Variants in PLCB1 observed in about 807,000 individuals in gnomAD.
The protein encoded by PLCB1 is phospholipase C beta 1.
PLCB1 carries 46 observed loss-of-function variants against 161.8 expected under a neutral mutation model. The observed-to-expected ratio is 0.28, with a 90% CI of 0.22 to 0.36. PLCB1 has a LOEUF of 0.36. PLCB1 is among the 10% of genes least tolerant of loss of function. The pLI is 1.00. For missense variants in PLCB1, 1,016 were observed against 1,472.5 expected, an observed-to-expected ratio of 0.69 and a Z score of 5.07; for synonymous variants, 517 against 503.7, an observed-to-expected ratio of 1.03 and a Z score of -0.35.
At chr20:8,802,964 A>C (rs1600340362) in intron 31 of PLCB1, among the ~76,000 whole-genome samples, 1 of 152,234 alleles carries the variant, frequency 6.6e-6, no homozygotes, top group African/African-American at 2.4e-5. Flanking sequence ...AAATAAAGCA[A>C]ACTTTATTCT....
At chr20:8,356,975 C>T (rs1046283538) in intron 2 of PLCB1, among the ~76,000 whole-genome samples, 1 of 152,100 alleles carries the variant, frequency 6.6e-6, no homozygotes, top group African/African-American at 2.4e-5. Context: ...TTTCTTAATA[C>T]AGAGGAAGTA....
intron 3 of PLCB1, among the ~76,000 whole-genome samples, chr20:8,467,936 A>G (rs1981888051): frequency 6.6e-6 from 1 of 152,158 alleles, no homozygotes; most frequent in African/African-American, 2.4e-5. Flanking sequence ...GCATTTTCCT[A>G]TTTATCTTTC....
chr20:8,696,152 C>T (rs1414605280), intron 10 of PLCB1, among the ~76,000 whole-genome samples: 1 of 152,222 alleles, frequency 6.6e-6, no homozygotes, highest in African/African-American at 2.4e-5. Flanking sequence ...TATTTGTACA[C>T]TTGATCCAAT....
chr20:8,526,020 G>A (rs1367216812), intron 3 of PLCB1, among the ~76,000 whole-genome samples: 1 of 151,998 alleles, frequency 6.6e-6, no homozygotes, highest in Non-Finnish European at 1.5e-5. Flanking sequence ...TTTGGAGCGG[G>A]ATAGTAACCA....
At chr20:8,662,267 GTATT>G (rs1459538753) in intron 9 of PLCB1, among the ~76,000 whole-genome samples, 1 of 76,048 alleles carries the variant, frequency 1.3e-5, no homozygotes, top group Non-Finnish European at 2.3e-5. Context: ...CTATACATAA[GTATT>G]TATTATATAA....
At chr20:8,515,173 AG>A (rs1472434197) in intron 3 of PLCB1, among the ~76,000 whole-genome samples, 1 of 152,212 alleles carries the variant, frequency 6.6e-6, no homozygotes, top group Non-Finnish European at 1.5e-5. Flanking sequence ...TCAGCCCTGG[AG>A]GAAGAGCTTC....
chr20:8,490,165 C>T (rs1218707156), intron 3 of PLCB1, among the ~76,000 whole-genome samples: 1 of 152,192 alleles, frequency 6.6e-6, no homozygotes, highest in East Asian at 1.9e-4. Context: ...CATATCCCAA[C>T]ACTGTGAGGC....
Position 8,559,332 on chromosome 20 carries a change from T to C in PLCB1, c.247-68962T>C, listed in dbSNP as rs140171847. 4.5e-3 allele frequency among the ~76,000 whole-genome samples: 680 copies of C among 151,914 alleles called. 8 individuals carry two copies. Among genetic ancestry groups the C allele is most frequent in the African/African-American group, 0.016 (656 of 41,486 alleles). ...CTACTAAAATATTAACTATAAAATA[T>C]ACAGAAAAAGAAATGAAAAGTATAC... On this transcript the variant is annotated intron_variant, in intron 3 of 31. Transcript: ENST00000338037.
chr20:8,359,264 T>C (rs1015897629), intron 2 of PLCB1, among the ~76,000 whole-genome samples: 1 of 152,224 alleles, frequency 6.6e-6, no homozygotes, highest in African/African-American at 2.4e-5. Flanking sequence ...ATTATCCTTA[T>C]TCATTTTTAA....
intron 3 of PLCB1, among the ~76,000 whole-genome samples, chr20:8,496,807 T>C (rs192101516): frequency 1.3e-5 from 2 of 152,054 alleles, no homozygotes; most frequent in Non-Finnish European, 2.9e-5. Context: ...TTTTGTTTAG[T>C]GGTGTATCTA....
At chr20:8,399,617 A>T (rs1256765450) in intron 3 of PLCB1, among the ~76,000 whole-genome samples, 1 of 152,146 alleles carries the variant, frequency 6.6e-6, no homozygotes, top group Non-Finnish European at 1.5e-5. Flanking sequence ...ATTACTCTCA[A>T]TACTATTCTC....
At chr20:8,623,763 C>T (rs1157145929) in intron 3 of PLCB1, 1 of 152,186 alleles carries the variant, frequency 6.6e-6, no homozygotes, top group African/African-American at 2.4e-5. Context: ...ATTCACAGCA[C>T]CATATTTCAG....
intron 3 of PLCB1, among the ~76,000 whole-genome samples, chr20:8,519,943 A>G (rs1339053468): frequency 2.0e-5 from 3 of 152,296 alleles, no homozygotes; most frequent in East Asian, 3.9e-4. Flanking sequence ...TCTCTATATT[A>G]TAAGAAATTC....
chr20:8,633,018 T>C (rs1988646220), intron 4 of PLCB1, among the ~76,000 whole-genome samples: 1 of 151,112 alleles, frequency 6.6e-6, no homozygotes, highest in South Asian at 2.1e-4. Context: ...ACCAAACTAT[T>C]GAAATATTTA....
chr20:8,755,402 T>C (rs567207598), intron 23 of PLCB1, among the ~76,000 whole-genome samples: 159 of 152,348 alleles, frequency 1.0e-3, no homozygotes, highest in African/African-American at 3.6e-3. Flanking sequence ...ATTTTTAAAA[T>C]GTGCTACAAA....
At chr20:8,715,702 GAC>G (rs1482099991) in intron 12 of PLCB1, among the ~76,000 whole-genome samples, 1 of 152,054 alleles carries the variant, frequency 6.6e-6, no homozygotes, top group Non-Finnish European at 1.5e-5. Context: ...TCCCCAAGTG[GAC>G]ACACTGTTTG....
intron 3 of PLCB1, among the ~76,000 whole-genome samples, chr20:8,445,017 GT>G (rs941586313): frequency 9.2e-5 from 14 of 152,100 alleles, no homozygotes; most frequent in African/African-American, 3.4e-4. Context: ...TCTGATGATA[GT>G]TTCTGTTGCT....
rs550350958 is a variant in PLCB1, at chr20:8,549,207, T to A, written c.247-79087T>A. Among the ~76,000 whole-genome samples, 468 of 152,214 alleles carry A rather than the reference T, an allele frequency of 3.1e-3. 2 individuals carry two copies. The highest frequency in any genetic ancestry group is 0.01 in the African/African-American group (435 of 41,538). On this transcript the variant is annotated intron_variant, in intron 3 of 31. Transcript: ENST00000338037. ...AGAAAATAAATAAATAAATATATAT[T>A]TTTTTAAAACCTGCTTTGTCAGGTA... is the stretch of plus-strand genomic sequence containing the variant.
intron 13 of PLCB1, among the ~76,000 whole-genome samples, chr20:8,717,040 C>A (rs932570556): frequency 2.0e-5 from 3 of 152,102 alleles, no homozygotes; most frequent in African/African-American, 4.8e-5. Flanking sequence ...ATCTAATGAC[C>A]CCCTCATGGG....
Sources: allele counts gnomAD v4.1 joint callset (sites outside exome capture counted in the v4.1 genomes callset), GRCh38; gene constraint gnomAD v4.1.1; transcripts MANE v1.5; gene names NCBI Gene and HGNC (gene_info 2026-07-23, HGNC 2026-07-21).